RIMS2: variants seen among roughly 807,000 people sequenced by gnomAD.
RIMS2 encodes regulating synaptic membrane exocytosis protein 2.
A neutral mutation model predicts 174.4 loss-of-function variants in RIMS2; 59 were observed. The ratio of observed to expected loss-of-function variants is 0.34; its 90% confidence interval spans 0.27 to 0.42. RIMS2 has a LOEUF of 0.42. Among genes scored for constraint, RIMS2 ranks in the 10% least tolerant of loss-of-function variants. The pLI is 1.00. For missense variants in RIMS2, 1,620 were observed against 1,666.3 expected, an observed-to-expected ratio of 0.97 and a Z score of 0.48; for synonymous variants, 606 against 572.5, an observed-to-expected ratio of 1.06 and a Z score of -0.84.
At chr8:103,772,893 T>G (rs1476635361) in intron 3 of RIMS2, among the ~76,000 whole-genome samples, 2 of 152,040 alleles carry the variant, frequency 1.3e-5, no homozygotes, top group African/African-American at 4.8e-5. Context: ...TAACTGAATA[T>G]CCATATGCAA....
At chr8:103,833,632 G>T (rs1022867755) in intron 3 of RIMS2, among the ~76,000 whole-genome samples, 2 of 151,650 alleles carry the variant, frequency 1.3e-5, no homozygotes, top group African/African-American at 4.8e-5. Context: ...TCTTATCAGA[G>T]GTAAAGCTCA....
At chr8:104,101,963 A>G (rs993985316) in intron 19 of RIMS2, among the ~76,000 whole-genome samples, 2 of 151,956 alleles carry the variant, frequency 1.3e-5, no homozygotes, top group African/African-American at 4.8e-5. Context: ...AGCTTTCTAT[A>G]TGTCCTCCAT....
chr8:103,989,352 A>C (rs758152399), exon 17 of RIMS2: 1 of 1,613,858 alleles, frequency 6.2e-7, no homozygotes, highest in Admixed American at 1.7e-5. Context: ...ATGACCGGAC[A>C]TTATAATACA....
chr8:103,574,447 G>T (rs61237287), intron 1 of RIMS2, among the ~76,000 whole-genome samples: 218 of 152,248 alleles, frequency 1.4e-3, no homozygotes, highest in African/African-American at 5.1e-3. Context: ...CTGAACTCCT[G>T]CTCTAGTTTA....
At chr8:103,502,789 C>T (rs967869676) in intron 1 of RIMS2, among the ~76,000 whole-genome samples, 4 of 151,922 alleles carry the variant, frequency 2.6e-5, no homozygotes, top group African/African-American at 9.7e-5. Flanking sequence ...TTTGACTTAC[C>T]TATTTAAATG....
intron 19 of RIMS2, among the ~76,000 whole-genome samples, chr8:104,036,133 T>TTTTA (rs142714435): frequency 0.019 from 2,743 of 146,892 alleles, 44 homozygotes; most frequent in East Asian, 0.086. Context: ...ATTTATTTTA[T>TTTTA]TTTATTTATT....
At chr8:104,128,867 A>AT (rs1209964393) in intron 19 of RIMS2, among the ~76,000 whole-genome samples, 4 of 152,138 alleles carry the variant, frequency 2.6e-5, no homozygotes, top group African/African-American at 9.7e-5. Context: ...GGCTAAATAT[A>AT]TTTTACATTT....
chr8:103,960,740 A>G (rs1406955285), intron 14 of RIMS2, among the ~76,000 whole-genome samples: 1 of 152,166 alleles, frequency 6.6e-6, no homozygotes, highest in East Asian at 1.9e-4. Flanking sequence ...TCTATTTTCT[A>G]ATAGATTTTA....
At chr8:104,234,960 G>A (rs2099251012) in intron 19 of RIMS2, among the ~76,000 whole-genome samples, 1 of 152,116 alleles carries the variant, frequency 6.6e-6, no homozygotes. Context: ...GTGTGGGTTG[G>A]TCCAAAGTGG....
chr8:103,791,915 A>G (rs1450066602), intron 3 of RIMS2, among the ~76,000 whole-genome samples: 1 of 152,204 alleles, frequency 6.6e-6, no homozygotes, highest in Non-Finnish European at 1.5e-5. Flanking sequence ...GCCCAGATTC[A>G]TAAAGCAAGT....
intron 3 of RIMS2, among the ~76,000 whole-genome samples, chr8:103,839,974 T>C (rs2098930050): frequency 6.6e-6 from 1 of 152,220 alleles, no homozygotes; most frequent in Non-Finnish European, 1.5e-5. Flanking sequence ...TGCTTTCTGC[T>C]TGGACTCCAG....
intron 19 of RIMS2, among the ~76,000 whole-genome samples, chr8:104,097,590 A>G (rs1598761910): frequency 6.6e-6 from 1 of 151,138 alleles, no homozygotes; most frequent in African/African-American, 2.4e-5. Flanking sequence ...CAGAACACCT[A>G]TATCAGCAGT....
At position 103,982,291 on chromosome 8, in the gene RIMS2, T is replaced by C. The variant is rs774943325; in HGVS notation, c.2927+6785T>C. Reference sequence around the variant, plus strand: ...TAAAGAAAAGCCTGAACCCAATGGCTTCAATGCTAAATTCTAACAAACATT... The same window carrying C: ...TAAAGAAAAGCCTGAACCCAATGGCCTCAATGCTAAATTCTAACAAACATT... On this transcript the variant is annotated intron_variant, in intron 16 of 23. Coordinates refer to ENST00000504942, the Ensembl canonical transcript of RIMS2. 3.9e-5 allele frequency among the ~76,000 whole-genome samples: 6 copies of C among 152,018 alleles called. No individual in the cohort carries two copies. The South Asian group carries it at 6.2e-4, about 16-fold the overall frequency.
chr8:103,782,876 A>G (rs564475545), intron 3 of RIMS2, among the ~76,000 whole-genome samples: 12 of 152,212 alleles, frequency 7.9e-5, no homozygotes, highest in Non-Finnish European at 1.5e-4. Context: ...TTTATATTAT[A>G]GAAAATAACT....
intron 10 of RIMS2, among the ~76,000 whole-genome samples, chr8:103,923,337 G>T (rs937832462): frequency 1.3e-5 from 2 of 151,720 alleles, no homozygotes; most frequent in Non-Finnish European, 3.0e-5. Context: ...GGTAAAGAAG[G>T]AGTGGAAGTT....
intron 19 of RIMS2, among the ~76,000 whole-genome samples, chr8:104,104,583 G>C (rs556454522): frequency 1.3e-5 from 2 of 152,256 alleles, no homozygotes; most frequent in South Asian, 4.1e-4. Flanking sequence ...GTAAAAATAG[G>C]GTTCGGGGAG....
intron 15 of RIMS2, among the ~76,000 whole-genome samples, chr8:103,971,851 A>T (rs549840675): frequency 6.6e-6 from 1 of 152,300 alleles, no homozygotes; most frequent in African/African-American, 2.4e-5. Context: ...GATTAGAGGT[A>T]TGAGCCACCA....
intron 1 of RIMS2, among the ~76,000 whole-genome samples, chr8:103,597,347 T>C (rs1474582321): frequency 2.6e-5 from 4 of 152,160 alleles, no homozygotes; most frequent in African/African-American, 7.2e-5. Context: ...TCAGGCTTTT[T>C]TACTTTCTGG....
chr8:103,549,286 A>G (rs992227631), intron 1 of RIMS2, among the ~76,000 whole-genome samples: 5 of 152,366 alleles, frequency 3.3e-5, no homozygotes, highest in South Asian at 4.1e-4. Flanking sequence ...CAGAAATTCT[A>G]CAAGCCAGAA....
Sources: gnomAD v4.1 joint callset for allele counts (sites outside exome capture counted in the v4.1 genomes callset) on GRCh38, gnomAD v4.1.1 for gene constraint, MANE v1.5 for transcripts, NCBI Gene and HGNC (gene_info 2026-07-23, HGNC 2026-07-21) for gene names.